POU6F2: variants seen among roughly 807,000 people sequenced by gnomAD.
POU6F2 encodes POU domain, class 6, transcription factor 2.
POU6F2 carries 31 observed loss-of-function variants against 71.3 expected under a neutral mutation model. The ratio of observed to expected loss-of-function variants is 0.43; its 90% CI spans 0.33 to 0.59. The LOEUF (loss-of-function observed/expected upper bound fraction) is 0.59, where lower values mean the gene tolerates loss of function less well. Among genes scored for constraint, POU6F2 ranks in the 20% least tolerant of loss-of-function variants. POU6F2 has a pLI of 0.04. For missense variants in POU6F2, 783 were observed against 856.8 expected (o/e 0.91, Z 1.07); for synonymous variants, 347 against 355.7 (o/e 0.98, Z 0.27).
chr7:38,984,796 A>G (rs1562654467), intron 1 of POU6F2: 1 of 152,212 alleles, frequency 6.6e-6, no homozygotes, highest in Non-Finnish European at 1.5e-5. Context: ...TGAATAATTT[A>G]AAACTATTTT....
intron 7 of POU6F2, among the ~76,000 whole-genome samples, chr7:39,435,223 T>C (rs1788211950): frequency 6.6e-6 from 1 of 152,220 alleles, no homozygotes; most frequent in Non-Finnish European, 1.5e-5. Flanking sequence ...TCTTCCATGA[T>C]GGTTGAACTA....
At chr7:39,144,381 A>G (rs1490305917) in intron 2 of POU6F2, among the ~76,000 whole-genome samples, 3 of 152,176 alleles carry the variant, frequency 2.0e-5, no homozygotes, top group Non-Finnish European at 4.4e-5. Context: ...GTAGTGTCCT[A>G]TTTCCTATGA....
In POU6F2 at chr7:39,332,816, T is replaced by C. The variant is rs114790680; in HGVS notation, c.599-6826T>C. ...TTCTTTCATCTTGGTTGGCACTCAG[T>C]AGACAACTGGAAGGACTGGGAAAAG... On this transcript the variant is annotated intron_variant, in intron 4 of 9. Transcript: ENST00000518318. Among the ~76,000 whole-genome samples the C allele has an allele frequency of 5.9e-3, 895 of 152,294 alleles. 5 individuals carry two copies. Among genetic ancestry groups the C allele is most frequent in the African/African-American group, 0.021 (861 of 41,564 alleles).
chr7:39,195,547 C>A (rs1299296009), intron 2 of POU6F2, among the ~76,000 whole-genome samples: 1 of 151,978 alleles, frequency 6.6e-6, no homozygotes, highest in South Asian at 2.1e-4. Flanking sequence ...CTGAGCCAAG[C>A]GTGCGGATTC....
intron 4 of POU6F2, among the ~76,000 whole-genome samples, chr7:39,327,963 C>T (rs1416487988): frequency 6.6e-6 from 1 of 152,084 alleles, no homozygotes; most frequent in African/African-American, 2.4e-5. Flanking sequence ...CTCTGTCGCC[C>T]AGGCTGGAGT....
intron 2 of POU6F2, among the ~76,000 whole-genome samples, chr7:39,196,191 T>C (rs1276135128): frequency 6.6e-6 from 1 of 152,196 alleles, no homozygotes; most frequent in Non-Finnish European, 1.5e-5. Context: ...GAAACACTGT[T>C]ACAAAGGTAG....
intron 4 of POU6F2, among the ~76,000 whole-genome samples, chr7:39,246,905 C>CTTTTTTTTTTTTTTTTTTTTTTTTTTTTT (rs398004470): frequency 6.4e-5 from 5 of 78,154 alleles, no homozygotes; most frequent in African/African-American, 2.9e-4. Flanking sequence ...TCCAGGGTGG[C>CTTTTTTTTTTTTTTTTTTTTTTTTTTTTT]TTTTTTTTTT....
At chr7:38,995,484 T>C (rs907304495) in intron 1 of POU6F2, among the ~76,000 whole-genome samples, 7 of 151,652 alleles carry the variant, frequency 4.6e-5, no homozygotes, top group African/African-American at 1.7e-4. Context: ...AAAAAATAAA[T>C]AAAATAAAAT....
chr7:39,290,039 T>A (rs1583500425), intron 4 of POU6F2, among the ~76,000 whole-genome samples: 1 of 152,146 alleles, frequency 6.6e-6, no homozygotes, highest in African/African-American at 2.4e-5. Context: ...TAATTAGAAA[T>A]GATAAGATAA....
In POU6F2 at chr7:39,339,652, C is replaced by T. The variant is rs903840889; in HGVS notation, c.609C>T (p.Ser203=). 5 of 1,592,768 alleles carry T rather than the reference C, an allele frequency of 3.1e-6. No individual in the cohort carries two copies. Among genetic ancestry groups the T allele is most frequent in the Non-Finnish European group, 3.4e-6 (4 of 1,174,956 alleles). Reference sequence around the variant, plus strand: ...TTTCTCTCCTTGTAGCTACCTCATCCCTGAACTCCCAGCTCCAGCAGCTCC... The same window carrying T: ...TTTCTCTCCTTGTAGCTACCTCATCTCTGAACTCCCAGCTCCAGCAGCTCC... The part of the protein sequence containing the change: ...LPLQNLQATS[S]LNSQLQQLQL... Residue 203 remains serine (S), a synonymous_variant, in exon 5 of 10, where the codon TCC becomes TCT. Coordinates refer to ENST00000518318, the MANE Select transcript of POU6F2 (RefSeq NM_001370959.1).
intron 6 of POU6F2, among the ~76,000 whole-genome samples, chr7:39,419,329 G>A (rs761650104): frequency 4.4e-4 from 66 of 151,636 alleles, no homozygotes; most frequent in Admixed American, 3.9e-3. Flanking sequence ...ACCTCTGCCT[G>A]CTAGGTTCAA....
chr7:39,292,441 C>T (rs955942366), intron 4 of POU6F2, among the ~76,000 whole-genome samples: 3 of 152,226 alleles, frequency 2.0e-5, no homozygotes, highest in Non-Finnish European at 4.4e-5. Flanking sequence ...CCAATGCAAG[C>T]ACTAAACAGT....
At chr7:39,227,194 A>G (rs915363246) in intron 4 of POU6F2, among the ~76,000 whole-genome samples, 3 of 152,190 alleles carry the variant, frequency 2.0e-5, no homozygotes, top group African/African-American at 4.8e-5. Flanking sequence ...TGTTACTTGT[A>G]CTATATTTAA....
At chr7:38,991,899 A>G (rs1429830558) in intron 1 of POU6F2, among the ~76,000 whole-genome samples, 3 of 151,656 alleles carry the variant, frequency 2.0e-5, no homozygotes, top group Non-Finnish European at 4.4e-5. Context: ...CTTTAACTGT[A>G]TAACATTTTC....
At chr7:39,121,921 A>T (rs1002159157) in intron 2 of POU6F2, among the ~76,000 whole-genome samples, 5 of 152,122 alleles carry the variant, frequency 3.3e-5, no homozygotes, top group Admixed American at 2.0e-4. Context: ...CTGGTCTCAA[A>T]CTCTTGACAT....
At chr7:39,088,645 G>A (rs143818565) in intron 2 of POU6F2, among the ~76,000 whole-genome samples, 6 of 152,118 alleles carry the variant, frequency 3.9e-5, no homozygotes, top group African/African-American at 1.4e-4. Flanking sequence ...ATTGAAAATT[G>A]GGCTTCTCTA....
chr7:39,184,730 T>C (rs1485205907), intron 2 of POU6F2, among the ~76,000 whole-genome samples: 1 of 152,206 alleles, frequency 6.6e-6, no homozygotes, highest in Non-Finnish European at 1.5e-5. Flanking sequence ...CTCTTTGGTT[T>C]TCTTACATAA....
chr7:39,173,277 G>T (rs568310995), intron 2 of POU6F2, among the ~76,000 whole-genome samples: 1 of 152,198 alleles, frequency 6.6e-6, no homozygotes, highest in African/African-American at 2.4e-5. Context: ...CACAGCTGTA[G>T]AGAGCTAGCT....
rs1228395738 is a variant in POU6F2 at position 39,208,236 on chromosome 7, G to T, written c.598+616G>T. On this transcript the variant is annotated intron_variant, in intron 4 of 9. Coordinates refer to ENST00000518318, the MANE Select transcript of POU6F2 (RefSeq NM_001370959.1). ...TTTACTTAGGAAGGGTAGTTGTCTT[G>T]ATATTATGAAGGTTTTGACTTTTCT... Among the ~76,000 whole-genome samples, 3 of 152,150 alleles carry T rather than the reference G, an allele frequency of 2.0e-5. No individual in the cohort carries two copies. In the East Asian group the frequency reaches 5.8e-4, roughly 29 times the overall value.
Sources: gnomAD v4.1 joint callset for allele counts (sites outside exome capture counted in the v4.1 genomes callset) on GRCh38, gnomAD v4.1.1 for gene constraint, MANE v1.5 for transcripts, NCBI Gene and HGNC (gene_info 2026-07-23, HGNC 2026-07-21) for gene names.